The following STK33 variants were observed in gnomAD, a reference collection of about 807,000 sequenced individuals.
The protein encoded by STK33 is serine/threonine-protein kinase 33.
STK33 carries 52 observed loss-of-function variants against 58.0 expected under a neutral mutation model. The ratio of observed to expected loss-of-function variants is 0.90; its 90% CI spans 0.72 to 1.13. STK33 has a LOEUF of 1.13. Ranked by LOEUF, STK33 falls within the 50% of genes most tolerant of loss-of-function variation. The pLI, the probability that STK33 is intolerant of heterozygous loss-of-function variation, is 0.00. For missense variants in STK33, 630 were observed against 604.2 expected (o/e 1.04, Z -0.45); for synonymous variants, 215 against 200.1 (o/e 1.07, Z -0.63).
At chr11:8,361,426 C>A in the STK33 span, among the ~76,000 whole-genome samples, 1 of 152,164 alleles carries the variant, frequency 6.6e-6, no homozygotes, top group Non-Finnish European at 1.5e-5. The surrounding 1 kb of genome is among the most constrained non-coding windows in gnomAD (Gnocchi z 4.8). Context: ...CCCCTGCCTG[C>A]CCTCAGGTCT....
intron 1 of STK33, among the ~76,000 whole-genome samples, chr11:8,492,289 T>G (rs896731056): frequency 6.8e-6 from 1 of 148,146 alleles, no homozygotes; most frequent in East Asian, 1.9e-4. Context: ...AAAGCAGGGG[T>G]TGCAATCCTA....
intron 1 of STK33, among the ~76,000 whole-genome samples, chr11:8,521,861 T>TA (rs1953476774): frequency 6.6e-6 from 1 of 151,838 alleles, no homozygotes; most frequent in Non-Finnish European, 1.5e-5. Flanking sequence ...ATGCAGCCAA[T>TA]AGACACATGA....
chr11:8,543,285 C>G (rs1359668741), intron 1 of STK33, among the ~76,000 whole-genome samples: 1 of 152,142 alleles, frequency 6.6e-6, no homozygotes, highest in Non-Finnish European at 1.5e-5. Context: ...TGATTAAGAG[C>G]TCAAAAATAT....
chr11:8,355,446 C>A, the STK33 span, among the ~76,000 whole-genome samples: 1 of 152,212 alleles, frequency 6.6e-6, no homozygotes, highest in Non-Finnish European at 1.5e-5. Flanking sequence ...GGAGATGCTG[C>A]CCAGATTTCC....
chr11:8,452,936 T>G, intron 10 of STK33, 30 bp from the exon 11 acceptor site: 1 of 1,581,588 alleles, frequency 6.3e-7, no homozygotes, highest in Non-Finnish European at 8.7e-7. Context: ...CACAGTCACC[T>G]GTTTTCCTGT....
chr11:8,341,948 G>C, the STK33 span, among the ~76,000 whole-genome samples: 1 of 152,230 alleles, frequency 6.6e-6, no homozygotes, highest in Admixed American at 6.5e-5. Context: ...AGGATTTGCA[G>C]CGTGAGAAAG....
intron 1 of STK33, among the ~76,000 whole-genome samples, chr11:8,526,636 C>G (rs35091649): frequency 0.17 from 26,148 of 151,712 alleles, 2,679 homozygotes; most frequent in South Asian, 0.31. Context: ...TGGATGAATA[C>G]GATGGTATAT....
chr11:8,410,402 T>A, intron 15 of STK33, among the ~76,000 whole-genome samples: 1 of 151,710 alleles, frequency 6.6e-6, no homozygotes, highest in Non-Finnish European at 1.5e-5. Flanking sequence ...CTATAACAAC[T>A]AGGTTTTCAG....
intron 1 of STK33, among the ~76,000 whole-genome samples, chr11:8,523,488 T>C (rs1242384505): frequency 2.8e-5 from 4 of 143,142 alleles, no homozygotes; most frequent in Non-Finnish European, 6.1e-5. Context: ...GCGGCCGCCC[T>C]GTCTGAGAAG....
intron 7 of STK33, among the ~76,000 whole-genome samples, chr11:8,463,889 C>A (rs898548325): frequency 2.0e-5 from 3 of 152,072 alleles, no homozygotes; most frequent in African/African-American, 7.2e-5. Flanking sequence ...GGATGCTACC[C>A]GAATTCTAAA....
At chr11:8,501,685 C>T (rs1054744583) in intron 1 of STK33, among the ~76,000 whole-genome samples, 3 of 152,130 alleles carry the variant, frequency 2.0e-5, no homozygotes, top group Admixed American at 6.6e-5. Context: ...CAATTCTACT[C>T]TTAGATCCAA....
At chr11:8,365,850 C>G in the STK33 span, among the ~76,000 whole-genome samples, 24 of 152,268 alleles carry the variant, frequency 1.6e-4, no homozygotes, top group African/African-American at 5.8e-4. Context: ...CACCTTCCAC[C>G]CCACAGAGTC....
the STK33 span, among the ~76,000 whole-genome samples, chr11:8,370,961 T>C: frequency 6.6e-6 from 1 of 150,922 alleles, no homozygotes; most frequent in Non-Finnish European, 1.5e-5. Context: ...CTGGAGAGAG[T>C]TGTGGAAGGA....
chr11:8,593,904 G>T (rs564394186), intron 1 of STK33, 179 bp downstream of exon 1: 9 of 152,268 alleles, frequency 5.9e-5, no homozygotes, highest in African/African-American at 1.7e-4. Flanking sequence ...ACACTCGGAG[G>T]GGTCCGCGGG....
chr11:8,398,174 T>C (rs1380604044), intron 15 of STK33, among the ~76,000 whole-genome samples: 1 of 151,970 alleles, frequency 6.6e-6, no homozygotes, highest in Non-Finnish European at 1.5e-5. Flanking sequence ...TTCACCAAAG[T>C]TGAAATGAAG....
rs747532115 is a variant in STK33, at chr11:8,464,828, G to GAA, written c.340-8_340-7dup. 3.2e-3 allele frequency: 3,652 copies of GAA among 1,126,892 alleles called. No individual in the cohort carries two copies. Among genetic ancestry groups the GAA allele is most frequent in the South Asian group, 6.2e-3 (414 of 66,272 alleles). 69.8% of individuals were successfully genotyped at this position (1,126,892 alleles called of 1,614,324 possible). A position where few individuals can be genotyped will look rare whatever the true frequency, so the allele number is the denominator to read the frequency against. On this transcript the variant is annotated splice_region_variant and splice_polypyrimidine_tract_variant and intron_variant, in intron 6 of 15. Coordinates refer to ENST00000687296, the MANE Select transcript of STK33 (RefSeq NM_001352389.2). ...CTTCCAAAGGTATAGATTTCCTGGAGAAAAAAAAAAAAAGAGTTGTCTCTC... is the reference window on the plus strand; with the variant it reads ...CTTCCAAAGGTATAGATTTCCTGGAGAAAAAAAAAAAAAAAGAGTTGTCTCTC...
chr11:8,396,540 C>T (rs534520162), intron 15 of STK33, among the ~76,000 whole-genome samples: 7 of 152,292 alleles, frequency 4.6e-5, no homozygotes, highest in African/African-American at 1.7e-4. Flanking sequence ...TCTACAGCTC[C>T]CAGCGTGAGT....
At chr11:8,353,636 G>C in the STK33 span, among the ~76,000 whole-genome samples, 1 of 152,110 alleles carries the variant, frequency 6.6e-6, no homozygotes, top group South Asian at 2.1e-4. Context: ...GTTACAACCA[G>C]TCCATGTCCA....
chr11:8,478,656 A>G (rs1325439275), intron 2 of STK33, among the ~76,000 whole-genome samples: 1 of 152,200 alleles, frequency 6.6e-6, no homozygotes, highest in Non-Finnish European at 1.5e-5. Flanking sequence ...CTTCTCCAAA[A>G]GCAATTTTTT....
Sources: gnomAD v4.1 joint callset for allele counts (sites outside exome capture counted in the v4.1 genomes callset) on GRCh38, gnomAD v4.1.1 for gene constraint, Gnocchi (gnomAD v3.1) non-coding constraint, MANE v1.5 for transcripts, NCBI Gene and HGNC (gene_info 2026-07-23, HGNC 2026-07-21) for gene names.